Variants in NRXN3 observed in about 807,000 individuals in gnomAD.
NRXN3 encodes the protein neurexin III.
NRXN3 carries 32 observed loss-of-function variants against 137.6 expected under a neutral mutation model. That is an observed-to-expected ratio of 0.23 (90% confidence interval 0.18 to 0.31). NRXN3 has a LOEUF of 0.31. NRXN3 is among the 10% of genes least tolerant of loss of function. The pLI is 1.00. For missense variants in NRXN3, 1,574 were observed against 2,062.5 expected (o/e 0.76, Z 4.59); for synonymous variants, 798 against 784.5 (o/e 1.02, Z -0.29).
intron 1 of NRXN3, among the ~76,000 whole-genome samples, chr14:78,214,944 C>T (rs1479277011): frequency 1.3e-5 from 2 of 152,154 alleles, no homozygotes; most frequent in Non-Finnish European, 2.9e-5. Context: ...TTGATTTGAC[C>T]TTGAATAAAC....
Position 79,766,803 on chromosome 14 carries a change from G to A in NRXN3, c.4015-38309G>A, listed in dbSNP as rs182817705. On this transcript the variant is annotated intron_variant, in intron 19 of 20. Coordinates refer to ENST00000335750, the MANE Select transcript of NRXN3 (RefSeq NM_001330195.2). ...ACTAGTAGGGGTTAGCAGGCAGGCA[G>A]GAAGAAGAAGGGCATGGTTGGCAGA... Among the ~76,000 whole-genome samples, 121 of 152,322 alleles carry A rather than the reference G, an allele frequency of 7.9e-4. 1 individual carries two copies. Among genetic ancestry groups the A allele is most frequent in the African/African-American group, 2.9e-3 (120 of 41,576 alleles).
intron 15 of NRXN3, among the ~76,000 whole-genome samples, chr14:79,100,167 T>C (rs546077447): frequency 2.0e-5 from 3 of 152,320 alleles, no homozygotes; most frequent in South Asian, 4.1e-4. Flanking sequence ...TCTGTCATAA[T>C]AAAGGAGAGC....
intron 15 of NRXN3, among the ~76,000 whole-genome samples, chr14:79,455,556 A>C (rs908500927): frequency 5.9e-5 from 9 of 152,278 alleles, no homozygotes; most frequent in South Asian, 2.1e-4. Flanking sequence ...AATGGTGTCT[A>C]TGGTCATTAG....
intron 8 of NRXN3, among the ~76,000 whole-genome samples, chr14:78,772,679 A>G (rs2098732251): frequency 6.6e-6 from 1 of 152,182 alleles, no homozygotes; most frequent in Non-Finnish European, 1.5e-5. Context: ...ATTCTGATTC[A>G]CTAGGTCTGG....
At chr14:78,326,773 A>G (rs1309178075) in intron 4 of NRXN3, among the ~76,000 whole-genome samples, 1 of 152,194 alleles carries the variant, frequency 6.6e-6, no homozygotes, top group Non-Finnish European at 1.5e-5. Context: ...GATCTGTTCT[A>G]GGTGTGGGGA....
At chr14:79,827,116 C>A (rs1361256829) in intron 20 of NRXN3, among the ~76,000 whole-genome samples, 4 of 152,094 alleles carry the variant, frequency 2.6e-5, no homozygotes, top group Non-Finnish European at 5.9e-5. Flanking sequence ...CCCTTGTGGG[C>A]CTAGTGGGGG....
chr14:79,034,555 G>A (rs1247084111), intron 15 of NRXN3, among the ~76,000 whole-genome samples: 1 of 152,128 alleles, frequency 6.6e-6, no homozygotes, highest in Non-Finnish European at 1.5e-5. Context: ...TGGGATGGGA[G>A]AGTCAAATGA....
chr14:79,279,121 TCA>T (rs2080808001), intron 15 of NRXN3, among the ~76,000 whole-genome samples: 1 of 152,040 alleles, frequency 6.6e-6, no homozygotes, highest in African/African-American at 2.4e-5. Flanking sequence ...TCTGTCGGTG[TCA>T]CACACGCGCG....
At chr14:78,456,653 A>G (rs1051354556) in intron 4 of NRXN3, among the ~76,000 whole-genome samples, 4 of 151,480 alleles carry the variant, frequency 2.6e-5, no homozygotes, top group Non-Finnish European at 5.9e-5. Flanking sequence ...CACTGTCCTA[A>G]ATCTCATCAC....
intron 4 of NRXN3, among the ~76,000 whole-genome samples, chr14:78,541,175 T>C (rs915790631): frequency 6.6e-6 from 1 of 152,170 alleles, no homozygotes; most frequent in African/African-American, 2.4e-5. Context: ...CCTTGCTAGG[T>C]TGGGGAAGTT....
chr14:78,878,194 C>G (rs774923001), intron 10 of NRXN3, among the ~76,000 whole-genome samples: 1 of 152,060 alleles, frequency 6.6e-6, no homozygotes, highest in African/African-American at 2.4e-5. Flanking sequence ...TTGGGCATGT[C>G]GTACTCAGTT....
At chr14:78,316,550 T>C (rs527823370) in intron 4 of NRXN3, among the ~76,000 whole-genome samples, 10 of 152,288 alleles carry the variant, frequency 6.6e-5, no homozygotes, top group Non-Finnish European at 1.5e-4. Context: ...AATTTATTTT[T>C]GGAGGAGAAG....
intron 16 of NRXN3, among the ~76,000 whole-genome samples, chr14:79,589,250 G>A (rs556917861): frequency 2.6e-5 from 4 of 152,222 alleles, no homozygotes; most frequent in African/African-American, 9.6e-5. Context: ...GCAAAACTCT[G>A]TCTCGAAACA....
intron 10 of NRXN3, among the ~76,000 whole-genome samples, chr14:78,926,177 G>T (rs1048087502): frequency 1.3e-5 from 2 of 151,984 alleles, no homozygotes; most frequent in African/African-American, 4.8e-5. Context: ...CCCAGTGGAA[G>T]CCTGAAACCA....
chr14:79,035,439 C>T lies in NRXN3; in HGVS notation c.3262+47298C>T, dbSNP rs528452592. Among the ~76,000 whole-genome samples, 5 of 152,126 alleles carry T rather than the reference C, an allele frequency of 3.3e-5. No individual in the cohort carries two copies. In the East Asian group the frequency reaches 9.7e-4, roughly 29 times the overall value. On this transcript the variant is annotated intron_variant, in intron 15 of 20. Transcript: ENST00000335750. ...AAATGTATCTGATATTCTCCTTTGA[C>T]AGCCATTCACGTGAAAAGAAAAGGT... is the stretch of plus-strand genomic sequence containing the variant.
intron 4 of NRXN3, among the ~76,000 whole-genome samples, chr14:78,391,678 A>C (rs911126895): frequency 4.6e-5 from 7 of 152,310 alleles, no homozygotes; most frequent in Middle Eastern, 3.4e-3. Flanking sequence ...AAAAGTTGCT[A>C]ATATGTGCAC....
intron 4 of NRXN3, among the ~76,000 whole-genome samples, chr14:78,597,735 C>T (rs543847584): frequency 3.9e-5 from 6 of 152,326 alleles, no homozygotes; most frequent in South Asian, 4.2e-4. Flanking sequence ...GCCTCCTCTT[C>T]GTCATTTCTC....
chr14:79,409,691 T>G (rs2095384589), intron 15 of NRXN3, among the ~76,000 whole-genome samples: 1 of 148,054 alleles, frequency 6.8e-6, no homozygotes, highest in Non-Finnish European at 1.5e-5. Flanking sequence ...CTACATTACA[T>G]AAAGACCCAT....
intron 4 of NRXN3, among the ~76,000 whole-genome samples, chr14:78,495,267 G>T (rs1203338243): frequency 1.3e-5 from 2 of 151,724 alleles, no homozygotes; most frequent in Non-Finnish European, 2.9e-5. Flanking sequence ...CTAGACATCT[G>T]GAAAGAGGCT....
Sources: allele counts gnomAD v4.1 joint callset (sites outside exome capture counted in the v4.1 genomes callset), GRCh38; gene constraint gnomAD v4.1.1; transcripts MANE v1.5; gene names NCBI Gene and HGNC (gene_info 2026-07-23, HGNC 2026-07-21).